The following MSI2 variants were observed in gnomAD, a reference collection of about 807,000 sequenced individuals.
MSI2 encodes musashi RNA binding protein 2.
A neutral mutation model predicts 45.6 loss-of-function variants in MSI2; 17 were observed. That is an observed-to-expected ratio of 0.37 (90% CI 0.26 to 0.56). The LOEUF is 0.56. Ranked by LOEUF, MSI2 falls within the 20% of genes least tolerant of loss-of-function variation. The pLI is 0.77. For missense variants in MSI2, 293 were observed against 444.2 expected (o/e 0.66, Z 3.06); for synonymous variants, 156 against 158.2 (o/e 0.99, Z 0.11).
chr17:57,471,142 T>C lies in MSI2; in HGVS notation c.406-58534T>C, dbSNP rs557486929. Among the ~76,000 whole-genome samples, 234 of 152,262 alleles carry C rather than the reference T, an allele frequency of 1.5e-3. 1 individual carries two copies. The highest frequency in any genetic ancestry group is 5.5e-3 in the African/African-American group (230 of 41,522). ...CACACCCTACCCCCTACTCTTTTGT[T>C]TATGCCCCCTGCCTGGCCTCTGAGG... On this transcript the variant is annotated intron_variant, in intron 6 of 13. Transcript: ENST00000284073.
At chr17:57,369,283 T>C (rs1270378537) in intron 5 of MSI2, among the ~76,000 whole-genome samples, 1 of 152,192 alleles carries the variant, frequency 6.6e-6, no homozygotes, top group Non-Finnish European at 1.5e-5. Flanking sequence ...ATACCATTCC[T>C]TCTTTACACC....
chr17:57,685,751 A>G (rs930749119), downstream of MSI2, among the ~76,000 whole-genome samples: 3 of 152,190 alleles, frequency 2.0e-5, no homozygotes, highest in African/African-American at 7.2e-5. Context: ...TACATTGTTT[A>G]GGGGCAGGAG....
At chr17:57,370,246 T>C (rs1167618442) in intron 5 of MSI2, among the ~76,000 whole-genome samples, 1 of 152,258 alleles carries the variant, frequency 6.6e-6, no homozygotes, top group Admixed American at 6.5e-5. Flanking sequence ...TTGTTGCTGC[T>C]GTTTGCGTTT....
intron 6 of MSI2, among the ~76,000 whole-genome samples, chr17:57,443,068 C>G (rs773664475): frequency 7.9e-5 from 12 of 152,132 alleles, no homozygotes; most frequent in African/African-American, 1.2e-4. Flanking sequence ...CCGTTTGCGG[C>G]CTGTCTGCCT....
chr17:57,545,870 G>A (rs966748942), intron 7 of MSI2, among the ~76,000 whole-genome samples: 2 of 152,052 alleles, frequency 1.3e-5, no homozygotes, highest in Non-Finnish European at 2.9e-5. Context: ...AGCGGCCACC[G>A]GCTTATCTGG....
chr17:57,378,780 G>A (rs1302443421), intron 5 of MSI2, among the ~76,000 whole-genome samples: 5 of 152,186 alleles, frequency 3.3e-5, no homozygotes, highest in Admixed American at 6.5e-5. Context: ...GGTCCACTGG[G>A]GAGAAGGTTC....
At chr17:57,372,728 G>A (rs980268935) in intron 5 of MSI2, among the ~76,000 whole-genome samples, 2 of 152,168 alleles carry the variant, frequency 1.3e-5, no homozygotes, top group African/African-American at 2.4e-5. Flanking sequence ...AGGGTGTACT[G>A]TTCATCGCCC....
At chr17:57,649,221 C>T (rs1199926216) in intron 10 of MSI2, among the ~76,000 whole-genome samples, 1 of 152,022 alleles carries the variant, frequency 6.6e-6, no homozygotes, top group African/African-American at 2.4e-5. Context: ...AACACACACA[C>T]CCAATACATA....
At chr17:57,583,615 G>A (rs534818542) in intron 7 of MSI2, among the ~76,000 whole-genome samples, 1 of 151,290 alleles carries the variant, frequency 6.6e-6, no homozygotes, top group African/African-American at 2.4e-5. Context: ...CCACAGGCAC[G>A]TGCCACGACG....
At chr17:57,528,251 G>T (rs952222395) in intron 6 of MSI2, among the ~76,000 whole-genome samples, 7 of 152,308 alleles carry the variant, frequency 4.6e-5, no homozygotes, top group South Asian at 2.1e-4. Context: ...CTAAAGATGT[G>T]TGCTCTGTGG....
At position 57,475,970 on chromosome 17, in the gene MSI2, A is replaced by G. The variant is rs530449547; in HGVS notation, c.406-53706A>G. Among the ~76,000 whole-genome samples, 3 of 152,306 alleles carry G rather than the reference A, an allele frequency of 2.0e-5. No homozygotes were observed. The East Asian group carries it at 5.8e-4, about 29-fold the overall frequency. Reference sequence around the variant, plus strand: ...ACAACAAAGAACAAAGCCACAGACAATCTCTCCCTCCCGACAATGTCAGCT... The same window carrying G: ...ACAACAAAGAACAAAGCCACAGACAGTCTCTCCCTCCCGACAATGTCAGCT... On this transcript the variant is annotated intron_variant, in intron 6 of 13. Coordinates refer to ENST00000284073, the MANE Select transcript of MSI2 (RefSeq NM_138962.4).
At chr17:57,563,288 G>A (rs1339321298) in intron 7 of MSI2, among the ~76,000 whole-genome samples, 1 of 151,884 alleles carries the variant, frequency 6.6e-6, no homozygotes, top group Non-Finnish European at 1.5e-5. Flanking sequence ...TCATACCAAT[G>A]GCTGCACACC....
intron 6 of MSI2, among the ~76,000 whole-genome samples, chr17:57,513,560 G>A (rs919160786): frequency 3.9e-5 from 6 of 152,138 alleles, no homozygotes; most frequent in African/African-American, 1.2e-4. Flanking sequence ...TCTAGAATTC[G>A]ACAGTGTCAC....
At chr17:57,477,969 C>G (rs913869114) in intron 6 of MSI2, among the ~76,000 whole-genome samples, 3 of 152,244 alleles carry the variant, frequency 2.0e-5, no homozygotes, top group Non-Finnish European at 4.4e-5. Flanking sequence ...CAGCTATTCT[C>G]TCTTCTCCCC....
At chr17:57,446,091 T>C (rs2084894656) in intron 6 of MSI2, among the ~76,000 whole-genome samples, 1 of 152,078 alleles carries the variant, frequency 6.6e-6, no homozygotes, top group Non-Finnish European at 1.5e-5. Context: ...TCCTTACTGA[T>C]ACCGATCGGT....
chr17:57,558,585 G>A (rs368256022), intron 7 of MSI2, among the ~76,000 whole-genome samples: 51 of 152,246 alleles, frequency 3.3e-4, no homozygotes, highest in Admixed American at 9.8e-4. Flanking sequence ...AGAAAACCAC[G>A]ACTCTAAGTC....
At chr17:57,492,807 G>A (rs912218204) in intron 6 of MSI2, among the ~76,000 whole-genome samples, 1 of 152,294 alleles carries the variant, frequency 6.6e-6, no homozygotes, top group African/African-American at 2.4e-5. Flanking sequence ...ATGTTGGCTA[G>A]ACTGGTCTCA....
chr17:57,627,070 G>T lies in MSI2; in HGVS notation c.653-159G>T. On this transcript the variant is annotated intron_variant, in intron 9 of 13. Transcript: ENST00000284073. The surrounding 1 kb of genome is among the most constrained non-coding windows in gnomAD (Gnocchi z 4.6). The stretch of plus-strand genomic sequence containing the variant: ...GCAGCGCCCCCGGCCACAGGAGAGA[G>T]GTGACCCAGACCCTTAATAAAAAAA... 1 of 677,308 alleles carries T rather than the reference G, an allele frequency of 1.5e-6. No individual in the cohort carries two copies. The highest frequency in any genetic ancestry group is 2.6e-6 in the Non-Finnish European group (1 of 384,266). 42.0% of individuals were successfully genotyped at this position (677,308 alleles called of 1,614,324 possible). A position where few individuals can be genotyped will look rare whatever the true frequency, so the allele number is the denominator to read the frequency against.
At chr17:57,338,328 AACCC>A (rs1914852753) in intron 5 of MSI2, among the ~76,000 whole-genome samples, 1 of 152,086 alleles carries the variant, frequency 6.6e-6, no homozygotes, top group East Asian at 1.9e-4. Flanking sequence ...GACCTCAAAT[AACCC>A]ACCCACCTTG....
Sources: gnomAD v4.1 joint callset for allele counts (sites outside exome capture counted in the v4.1 genomes callset) on GRCh38, gnomAD v4.1.1 for gene constraint, Gnocchi (gnomAD v3.1) non-coding constraint, MANE v1.5 for transcripts, NCBI Gene and HGNC (gene_info 2026-07-23, HGNC 2026-07-21) for gene names.